AFG2A: variants seen among roughly 807,000 people sequenced by gnomAD.
AFG2A encodes the protein AAA ATPase AFG2A.
At chr4:123,252,339 AAAAC>A in the AFG2A span, among the ~76,000 whole-genome samples, 9 of 152,326 alleles carry the variant, frequency 5.9e-5, no homozygotes, top group African/African-American at 1.9e-4. Flanking sequence ...AAAACAAAAC[AAAAC>A]AAACAAAAAT....
the AFG2A span, chr4:123,317,590 C>G: frequency 1.3e-5 from 2 of 152,186 alleles, no homozygotes; most frequent in African/African-American, 4.8e-5. Context: ...AACAGTTCTC[C>G]TAGGTGCATA....
the AFG2A span, among the ~76,000 whole-genome samples, chr4:123,307,247 TC>T: frequency 6.6e-6 from 1 of 152,102 alleles, no homozygotes. Context: ...GTTCAGATGA[TC>T]CTCCCATCTC....
At chr4:123,159,642 T>A in the AFG2A span, among the ~76,000 whole-genome samples, 1 of 152,144 alleles carries the variant, frequency 6.6e-6, no homozygotes, top group Non-Finnish European at 1.5e-5. Context: ...ATGTAGAGCC[T>A]GGGTTACAGG....
At chr4:123,158,248 C>T in the AFG2A span, among the ~76,000 whole-genome samples, 2 of 152,162 alleles carry the variant, frequency 1.3e-5, no homozygotes, top group Non-Finnish European at 2.9e-5. Context: ...GAGAAAATAA[C>T]CTGAATCTCA....
At chr4:122,973,172 T>C in the AFG2A span, among the ~76,000 whole-genome samples, 1 of 152,156 alleles carries the variant, frequency 6.6e-6, no homozygotes, top group Non-Finnish European at 1.5e-5. Flanking sequence ...TGCCTCTTAC[T>C]TAATGCCTAT....
At chr4:123,288,318 C>T in the AFG2A span, among the ~76,000 whole-genome samples, 1 of 152,044 alleles carries the variant, frequency 6.6e-6, no homozygotes, top group South Asian at 2.1e-4. Context: ...GAAATTACAA[C>T]GTGTTTTTAT....
At chr4:123,029,033 T>C in the AFG2A span, among the ~76,000 whole-genome samples, 801 of 152,346 alleles carry the variant, frequency 5.3e-3, 7 homozygotes, top group African/African-American at 0.018. Flanking sequence ...TCCATTTCTG[T>C]GGACTGTATC....
the AFG2A span, among the ~76,000 whole-genome samples, chr4:123,278,403 A>T: frequency 6.6e-6 from 1 of 151,612 alleles, no homozygotes; most frequent in East Asian, 1.9e-4. Context: ...CAAAGAAGCT[A>T]CTCCTGGATT....
At chr4:123,075,599 T>C in the AFG2A span, among the ~76,000 whole-genome samples, 4 of 151,740 alleles carry the variant, frequency 2.6e-5, no homozygotes, top group African/African-American at 9.7e-5. Context: ...ACTAGATGAG[T>C]ACATGTTAAT....
the AFG2A span, among the ~76,000 whole-genome samples, chr4:123,257,525 A>G: frequency 2.6e-5 from 4 of 152,220 alleles, no homozygotes; most frequent in African/African-American, 2.4e-5. Context: ...ATATTTTTCA[A>G]GTCCACTGGA....
chr4:123,127,822 G>GACC, the AFG2A span, among the ~76,000 whole-genome samples: 1 of 152,092 alleles, frequency 6.6e-6, no homozygotes, highest in Non-Finnish European at 1.5e-5. Flanking sequence ...ATGTAGTTTG[G>GACC]AAAGTTTTAT....
the AFG2A span, among the ~76,000 whole-genome samples, chr4:123,122,773 G>GTTTTTTTTTTTTTTTTTT: frequency 1.4e-5 from 2 of 140,080 alleles, no homozygotes; most frequent in Admixed American, 7.0e-5. Context: ...CATGTCATCT[G>GTTTTTTTTTTTTTTTTTT]TTTTTTTGTT....
the AFG2A span, among the ~76,000 whole-genome samples, chr4:123,027,639 T>A: frequency 6.6e-6 from 1 of 152,176 alleles, no homozygotes; most frequent in Non-Finnish European, 1.5e-5. Context: ...TTGTGTACGT[T>A]TTCTGGTACA....
chr4:123,196,966 A>G, the AFG2A span, among the ~76,000 whole-genome samples: 3 of 152,240 alleles, frequency 2.0e-5, no homozygotes, highest in African/African-American at 7.2e-5. Context: ...AGATGTTACC[A>G]GTATTAACAG....
chr4:123,056,970 C>T, the AFG2A span, among the ~76,000 whole-genome samples: 1 of 152,194 alleles, frequency 6.6e-6, no homozygotes, highest in African/African-American at 2.4e-5. Flanking sequence ...AACTGAATTG[C>T]CTCCTTCACA....
chr4:122,941,867 C>T, the AFG2A span, among the ~76,000 whole-genome samples: 1 of 151,636 alleles, frequency 6.6e-6, no homozygotes, highest in South Asian at 2.1e-4. Context: ...TGTCAAAGGC[C>T]TTTTCTGCAT....
the AFG2A span, among the ~76,000 whole-genome samples, chr4:123,193,632 T>TG: frequency 1.3e-5 from 2 of 152,238 alleles, no homozygotes; most frequent in African/African-American, 4.8e-5. Context: ...GTACAATTAC[T>TG]GGAGAAGTTC....
At chr4:123,203,911 C>T in the AFG2A span, among the ~76,000 whole-genome samples, 41 of 152,304 alleles carry the variant, frequency 2.7e-4, 1 homozygote, top group South Asian at 8.1e-3. Context: ...AAAGTGTTGG[C>T]AAGGTTGCAT....
chr4:123,027,571 T>A, the AFG2A span, among the ~76,000 whole-genome samples: 1 of 152,214 alleles, frequency 6.6e-6, no homozygotes, highest in Non-Finnish European at 1.5e-5. Context: ...TGTTCATGGT[T>A]ACTGGTTGTT....
Sources: allele counts gnomAD v4.1 joint callset (sites outside exome capture counted in the v4.1 genomes callset), GRCh38; gene constraint gnomAD v4.1.1; transcripts MANE v1.5; gene names NCBI Gene and HGNC (gene_info 2026-07-23, HGNC 2026-07-21).